ANO3: variants seen among roughly 807,000 people sequenced by gnomAD.
ANO3 encodes the protein anoctamin 3.
ANO3 carries 99 observed loss-of-function variants against 144.8 expected under a neutral mutation model. That is an observed-to-expected ratio of 0.68 (90% confidence interval 0.58 to 0.81). ANO3 has a LOEUF of 0.81. ANO3 is among the 30% of genes least tolerant of loss of function. The probability of loss-of-function intolerance (pLI) is 0.00; values close to 1 mark genes in which losing one functional copy is unlikely to be tolerated. For missense variants in ANO3, 905 were observed against 1,202.2 expected (o/e 0.75, Z 3.66); for synonymous variants, 414 against 392.6 (o/e 1.05, Z -0.64).
At chr11:26,286,143 C>G (rs1853802228) in intron 1 of ANO3, 1 of 152,082 alleles carries the variant, frequency 6.6e-6, no homozygotes, top group Non-Finnish European at 1.5e-5. Flanking sequence ...ATAAGCAGGT[C>G]AGCATTCTAA....
At chr11:26,356,953 A>G (rs1855800378) in intron 1 of ANO3, among the ~76,000 whole-genome samples, 1 of 152,298 alleles carries the variant, frequency 6.6e-6, no homozygotes, top group Admixed American at 6.5e-5. Flanking sequence ...AATTATATTA[A>G]TGGCCTACTC....
At chr11:26,455,196 T>G (rs1482623667) in intron 3 of ANO3, among the ~76,000 whole-genome samples, 1 of 150,320 alleles carries the variant, frequency 6.7e-6, no homozygotes, top group African/African-American at 2.4e-5. Context: ...CCACTCCTAT[T>G]CAACATAGTG....
chr11:26,618,959 C>G (rs1482752286), intron 17 of ANO3, among the ~76,000 whole-genome samples: 3 of 151,950 alleles, frequency 2.0e-5, no homozygotes, highest in Non-Finnish European at 2.9e-5. Context: ...TCAATTATTC[C>G]TCCAATCAGA....
At chr11:26,292,768 A>T (rs1001685359) in intron 1 of ANO3, among the ~76,000 whole-genome samples, 3 of 152,184 alleles carry the variant, frequency 2.0e-5, no homozygotes, top group African/African-American at 4.8e-5. Flanking sequence ...CACAACAGCA[A>T]AGGTTGCTGC....
At chr11:26,511,471 G>A (rs898186001) in intron 5 of ANO3, among the ~76,000 whole-genome samples, 4 of 152,140 alleles carry the variant, frequency 2.6e-5, no homozygotes, top group Admixed American at 6.5e-5. Context: ...GCACAACTGA[G>A]AGAGTACTTC....
chr11:26,433,480 A>AG (rs1858190807), intron 1 of ANO3, among the ~76,000 whole-genome samples: 1 of 151,994 alleles, frequency 6.6e-6, no homozygotes, highest in Non-Finnish European at 1.5e-5. Flanking sequence ...CTTGTTTTCA[A>AG]GGGGGAATAC....
chr11:26,327,105 T>C (rs1014105030), intron 1 of ANO3, among the ~76,000 whole-genome samples: 3 of 152,194 alleles, frequency 2.0e-5, no homozygotes, highest in Non-Finnish European at 4.4e-5. Context: ...GAATGTCTTA[T>C]TACTAGATTA....
intron 1 of ANO3, among the ~76,000 whole-genome samples, chr11:26,426,524 C>T (rs1482720965): frequency 2.0e-5 from 3 of 151,988 alleles, no homozygotes; most frequent in African/African-American, 7.2e-5. Flanking sequence ...TGCTCATAAG[C>T]AGTATTATTT....
At chr11:26,281,301 A>T (rs889700827) in intron 1 of ANO3, among the ~76,000 whole-genome samples, 5 of 152,210 alleles carry the variant, frequency 3.3e-5, no homozygotes, top group African/African-American at 1.2e-4. Flanking sequence ...TGAATGACTG[A>T]ATGAATGAAG....
chr11:26,264,833 A>G (rs1242519424), intron 1 of ANO3, among the ~76,000 whole-genome samples: 1 of 152,066 alleles, frequency 6.6e-6, no homozygotes, highest in Non-Finnish European at 1.5e-5. Flanking sequence ...ACCCACCCTA[A>G]TGACTTTATT....
At chr11:26,317,323 C>A (rs1854648747) in intron 1 of ANO3, among the ~76,000 whole-genome samples, 1 of 151,444 alleles carries the variant, frequency 6.6e-6, no homozygotes, top group Admixed American at 6.6e-5. Flanking sequence ...AGTGAGCAGG[C>A]AACCTACAGA....
intron 3 of ANO3, among the ~76,000 whole-genome samples, chr11:26,453,696 C>T (rs186546159): frequency 3.9e-5 from 6 of 152,060 alleles, no homozygotes; most frequent in Non-Finnish European, 8.8e-5. Context: ...ACAAGGATAC[C>T]CACAAATTGA....
intron 1 of ANO3, among the ~76,000 whole-genome samples, chr11:26,254,732 A>G (rs1334568432): frequency 6.6e-6 from 1 of 152,170 alleles, no homozygotes; most frequent in Non-Finnish European, 1.5e-5. Context: ...AAACTGTAAT[A>G]AAAACCATGT....
chr11:26,619,285 C>G (rs981351641), intron 17 of ANO3, among the ~76,000 whole-genome samples: 2 of 152,034 alleles, frequency 1.3e-5, no homozygotes, highest in Admixed American at 6.6e-5. Flanking sequence ...CAAAACAGAA[C>G]AGGTGGATCA....
chr11:26,525,733 TAAG>T, intron 7 of ANO3, 54 bp downstream of exon 7: 1 of 1,406,188 alleles, frequency 7.1e-7, no homozygotes. Context: ...TTGAAAAAAA[TAAG>T]AAGATATTTG....
chr11:26,248,272 A>T (rs572130448), intron 1 of ANO3, among the ~76,000 whole-genome samples: 1 of 152,036 alleles, frequency 6.6e-6, no homozygotes, highest in Non-Finnish European at 1.5e-5. Flanking sequence ...CGGGAGGCGG[A>T]GGTCGTGGTG....
intron 5 of ANO3, among the ~76,000 whole-genome samples, chr11:26,510,862 A>T (rs368846519): frequency 6.6e-6 from 1 of 152,300 alleles, no homozygotes; most frequent in South Asian, 2.1e-4. Flanking sequence ...TAGTCATCCA[A>T]AAAGGGTCCT....
chr11:26,315,214 A>G (rs1409204504), intron 1 of ANO3, among the ~76,000 whole-genome samples: 1 of 152,128 alleles, frequency 6.6e-6, no homozygotes, highest in East Asian at 1.9e-4. Flanking sequence ...ATTATTTCCT[A>G]TCTAATTATC....
chr11:26,260,310 C>T (rs558071315), intron 1 of ANO3, among the ~76,000 whole-genome samples: 1 of 152,284 alleles, frequency 6.6e-6, no homozygotes, highest in East Asian at 1.9e-4. Flanking sequence ...CTGCAGTTTA[C>T]ACACCACTTT....
Sources: allele counts gnomAD v4.1 joint callset (sites outside exome capture counted in the v4.1 genomes callset), GRCh38; gene constraint gnomAD v4.1.1; transcripts MANE v1.5; gene names NCBI Gene and HGNC (gene_info 2026-07-23, HGNC 2026-07-21).